The following NPC1 variants were observed in gnomAD, a reference collection of about 807,000 sequenced individuals.
NPC1 encodes Niemann-Pick C1 protein.
NPC1 carries 85 observed loss-of-function variants against 140.4 expected under a neutral mutation model. That is an observed-to-expected ratio of 0.61 (90% confidence interval 0.51 to 0.72). The LOEUF is 0.72. NPC1 is among the 30% of genes least tolerant of loss of function. NPC1 has a pLI of 0.00. For synonymous variants in NPC1, 656 were observed against 624.8 expected, an observed-to-expected ratio of 1.05 and a Z score of -0.74; for missense variants, 1,504 against 1,623.8, an observed-to-expected ratio of 0.93 and a Z score of 1.27.
downstream of NPC1, chr18:23,529,826 G>C: frequency 8.6e-7 from 1 of 1,157,602 alleles, no homozygotes; most frequent in Non-Finnish European, 1.3e-6. Flanking sequence ...CCCTGACTCA[G>C]AATGCTGAGT....
intron 24 of NPC1, among the ~76,000 whole-genome samples, chr18:23,532,691 A>ATC (rs1005039523): frequency 1.0e-5 from 1 of 100,016 alleles, no homozygotes; most frequent in East Asian, 3.5e-4. Context: ...CAAAGTGCTC[A>ATC]TCTCTTTTTT....
chr18:23,570,467 G>A (rs1599005653), intron 3 of NPC1, among the ~76,000 whole-genome samples: 1 of 152,328 alleles, frequency 6.6e-6, no homozygotes, highest in Non-Finnish European at 1.5e-5. Flanking sequence ...CCCAATTACA[G>A]CCTCAACTTT....
At chr18:23,529,116 A>G, downstream of NPC1, 4 of 1,572,546 alleles carry the variant, frequency 2.5e-6, no homozygotes, top group Non-Finnish European at 3.4e-6. Context: ...TTGTGGATGA[A>G]CTGTAAACAG....
At chr18:23,565,453 T>C (rs191636167) in intron 4 of NPC1, among the ~76,000 whole-genome samples, 1 of 152,276 alleles carries the variant, frequency 6.6e-6, no homozygotes, top group Non-Finnish European at 1.5e-5. Flanking sequence ...CGTCCCAGGT[T>C]CAAGTGATTC....
downstream of NPC1, chr18:23,524,329 G>T: frequency 6.7e-7 from 1 of 1,500,406 alleles, no homozygotes. Flanking sequence ...CGCGTTTAGC[G>T]TGGACTCAGT....
At chr18:23,527,748 TGAC>T, downstream of NPC1, 1 of 1,466,462 alleles carries the variant, frequency 6.8e-7, no homozygotes, top group Non-Finnish European at 9.6e-7. Flanking sequence ...ATTCTGAAGC[TGAC>T]ATGAAGTTGG....
chr18:23,552,787 G>T (rs1458715363), intron 9 of NPC1, among the ~76,000 whole-genome samples: 1 of 152,188 alleles, frequency 6.6e-6, no homozygotes, highest in Non-Finnish European at 1.5e-5. Context: ...CCTGCAGCGA[G>T]CAGCTGAGTC....
chr18:23,526,832 C>T (rs772051669), downstream of NPC1: 63 of 1,568,606 alleles, frequency 4.0e-5, no homozygotes, highest in Non-Finnish European at 4.8e-5. Flanking sequence ...CACTTTTTAT[C>T]GGGATGTGGG....
chr18:23,517,212 C>T (rs1435078848), intron 3 of NPC1, among the ~76,000 whole-genome samples: 6 of 151,612 alleles, frequency 4.0e-5, no homozygotes, highest in Admixed American at 1.3e-4. Context: ...TACAGTGGCA[C>T]GATCTTGGCT....
downstream of NPC1, among the ~76,000 whole-genome samples, chr18:23,525,159 T>C (rs1270580431): frequency 6.6e-6 from 1 of 151,786 alleles, no homozygotes; most frequent in Admixed American, 6.6e-5. Flanking sequence ...TTGGTCAGGC[T>C]GGTCTCAAAC....
At position 23,578,342 on chromosome 18, in the gene NPC1, C is replaced by T. The variant is rs928317331; in HGVS notation, c.58-4768G>A. On this transcript the variant is annotated intron_variant, in intron 1 of 24. Transcript: ENST00000269228. ...CCAGGATTCAAAACAGAGCAGGTGACTCCAGAAACAGACTCTCAATAAAAG... is the reference window on the plus strand; with the variant it reads ...CCAGGATTCAAAACAGAGCAGGTGATTCCAGAAACAGACTCTCAATAAAAG... 2.6e-5 allele frequency among the ~76,000 whole-genome samples: 4 copies of T among 152,240 alleles called. No homozygotes were observed. In the South Asian group the frequency reaches 8.3e-4, roughly 31 times the overall value.
In NPC1 at chr18:23,550,528, C is replaced by CTGGA. The variant is rs553806830; in HGVS notation, c.1654+1095_1654+1098dup. 4.7e-3 allele frequency among the ~76,000 whole-genome samples: 539 copies of CTGGA among 115,728 alleles called. 5 individuals are homozygous for CTGGA. The highest frequency in any genetic ancestry group is 0.02 in the African/African-American group (513 of 26,206). The allele number at this position is 115,728 out of a possible 152,430, so 75.9% of individuals were successfully genotyped here. A position where few individuals can be genotyped will look rare whatever the true frequency, so the allele number is the denominator to read the frequency against. Reference sequence around the variant, plus strand: ...ATGGAGTCTCACTCTGTCGCCCAGGCTGGAGTGCAGTGACTTGATCTTGGC... The same window carrying CTGGA: ...ATGGAGTCTCACTCTGTCGCCCAGGCTGGATGGAGTGCAGTGACTTGATCTTGGC... On this transcript the variant is annotated intron_variant, in intron 10 of 24. Transcript: ENST00000269228.
chr18:23,559,720 C>T (rs750525553), intron 6 of NPC1, among the ~76,000 whole-genome samples: 3 of 151,976 alleles, frequency 2.0e-5, no homozygotes, highest in East Asian at 2.0e-4. Flanking sequence ...GAGGCCAAGG[C>T]GGGCAGATCA....
At chr18:23,519,129 G>C, downstream of NPC1, 1 of 1,614,182 alleles carries the variant, frequency 6.2e-7, no homozygotes, top group Non-Finnish European at 8.5e-7. Flanking sequence ...AGTTTGCCCT[G>C]AACGTGGTGG....
intron 10 of NPC1, 191 bp downstream of exon 10, chr18:23,551,436 C>T (rs570632751): frequency 4.7e-6 from 3 of 640,908 alleles, no homozygotes; most frequent in African/African-American, 1.8e-5. Context: ...AATGGCTAAC[C>T]CAATCCACTT....
At chr18:23,529,662 G>A (rs919871887), downstream of NPC1, 12 of 1,613,938 alleles carry the variant, frequency 7.4e-6, no homozygotes, top group East Asian at 2.2e-5. Flanking sequence ...TGTGATAGCC[G>A]TGCTGATGGA....
rs540499227 is a variant in NPC1, at chr18:23,577,287, T to C, written c.58-3713A>G. On this transcript the variant is annotated intron_variant, in intron 1 of 24. Coordinates refer to ENST00000269228, the MANE Select transcript of NPC1 (RefSeq NM_000271.5). ...GTATTTACAATCCTTGAGCTAGACA[T>C]AAAGGTTCTCCACGTCCTCACCAGA... Among the ~76,000 whole-genome samples, 110 of 147,664 alleles carry C rather than the reference T, an allele frequency of 7.4e-4. 3 individuals are homozygous for C. Among genetic ancestry groups the C allele is most frequent in the African/African-American group, 2.6e-3 (101 of 38,942 alleles).
chr18:23,529,001 T>A (rs1477328515), downstream of NPC1: 5 of 991,812 alleles, frequency 5.0e-6, no homozygotes, highest in African/African-American at 8.3e-5. Context: ...TGCCTCAGCC[T>A]CCTGAGTAGC....
At chr18:23,541,613 C>G (rs2058715093) in intron 14 of NPC1, among the ~76,000 whole-genome samples, 180 bp from the exon 15 acceptor site, 1 of 152,196 alleles carries the variant, frequency 6.6e-6, no homozygotes, top group Non-Finnish European at 1.5e-5. Flanking sequence ...CAGTGCTTTT[C>G]AAAGCACACT....
Sources: allele counts gnomAD v4.1 joint callset (sites outside exome capture counted in the v4.1 genomes callset), GRCh38; gene constraint gnomAD v4.1.1; transcripts MANE v1.5; gene names NCBI Gene and HGNC (gene_info 2026-07-23, HGNC 2026-07-21).